The following ULK4 variants were observed in gnomAD, a reference collection of about 807,000 sequenced individuals.
ULK4 encodes inactive serine/threonine-protein kinase ULK4.
In ULK4, 133 loss-of-function variants were observed where a neutral mutation model predicts 160.6. The ratio of observed to expected loss-of-function variants is 0.83; its 90% CI spans 0.72 to 0.96. The LOEUF is 0.96. ULK4 is among the 40% of genes least tolerant of loss of function. The pLI is 0.00. For synonymous variants in ULK4, 534 were observed against 539.8 expected, an observed-to-expected ratio of 0.99 and a Z score of 0.15; for missense variants, 1,580 against 1,499.5, an observed-to-expected ratio of 1.05 and a Z score of -0.89.
intron 32 of ULK4, among the ~76,000 whole-genome samples, chr3:41,534,287 G>C (rs1184463419): frequency 2.6e-5 from 4 of 152,138 alleles, no homozygotes; most frequent in Non-Finnish European, 5.9e-5. Flanking sequence ...CTTTGGCGGT[G>C]CCACAGTTTT....
intron 35 of ULK4, among the ~76,000 whole-genome samples, chr3:41,384,603 G>A (rs916523121): frequency 5.9e-5 from 9 of 151,906 alleles, no homozygotes; most frequent in African/African-American, 9.7e-5. Context: ...ATTTTTTTTC[G>A]AGACAGAGTC....
At chr3:41,319,094 TC>T (rs2080199730) in intron 35 of ULK4, among the ~76,000 whole-genome samples, 2 of 152,178 alleles carry the variant, frequency 1.3e-5, no homozygotes, top group Non-Finnish European at 2.9e-5. Context: ...AGAAATAGGG[TC>T]TTTATTTTAC....
chr3:41,689,636 G>C (rs1415134342), intron 27 of ULK4, among the ~76,000 whole-genome samples: 2 of 152,184 alleles, frequency 1.3e-5, no homozygotes, highest in South Asian at 4.1e-4. Flanking sequence ...CAAAGGACAT[G>C]AATACACACT....
chr3:41,646,400 C>T (rs910905705), intron 30 of ULK4, among the ~76,000 whole-genome samples: 25 of 152,096 alleles, frequency 1.6e-4, no homozygotes, highest in Non-Finnish European at 2.8e-4. Flanking sequence ...GGTGACAAAA[C>T]CTGTCAGCAT....
chr3:41,758,267 T>C (rs539330320), intron 21 of ULK4, among the ~76,000 whole-genome samples: 1 of 152,166 alleles, frequency 6.6e-6, no homozygotes, highest in East Asian at 1.9e-4. Flanking sequence ...CCGTCTAAGG[T>C]ACCTTGTTAT....
intron 30 of ULK4, among the ~76,000 whole-genome samples, chr3:41,640,764 A>C (rs2034151307): frequency 6.6e-6 from 1 of 152,234 alleles, no homozygotes; most frequent in African/African-American, 2.4e-5. Flanking sequence ...GAAATTCAAA[A>C]AGAAAATGGA....
At chr3:41,383,077 A>ATTTTTC (rs1452248017) in intron 35 of ULK4, among the ~76,000 whole-genome samples, 2 of 150,936 alleles carry the variant, frequency 1.3e-5, no homozygotes, top group Non-Finnish European at 3.0e-5. Context: ...ACAAGGAGGT[A>ATTTTTC]TTTTTCTTTT....
chr3:41,428,420 T>TA (rs2082826237), intron 34 of ULK4, among the ~76,000 whole-genome samples: 1 of 151,998 alleles, frequency 6.6e-6, no homozygotes, highest in African/African-American at 2.4e-5. Context: ...AAAACTACTT[T>TA]AAAAAATCAT....
At chr3:41,663,220 CA>C (rs1027169039) in intron 30 of ULK4, among the ~76,000 whole-genome samples, 44 of 133,006 alleles carry the variant, frequency 3.3e-4, no homozygotes, top group South Asian at 4.8e-4. Context: ...GACTCCATCT[CA>C]AAAAAAAAAA....
intron 19 of ULK4, among the ~76,000 whole-genome samples, chr3:41,808,727 A>G (rs1448703273): frequency 6.6e-6 from 1 of 152,236 alleles, no homozygotes; most frequent in Non-Finnish European, 1.5e-5. Flanking sequence ...TTCTGCCAAT[A>G]TAATTTTGGT....
intron 30 of ULK4, among the ~76,000 whole-genome samples, chr3:41,623,127 C>G (rs2033335479): frequency 6.6e-6 from 1 of 152,166 alleles, no homozygotes; most frequent in African/African-American, 2.4e-5. Context: ...TTAAGACAAA[C>G]ATGTTACATA....
At chr3:41,758,129 G>A (rs2038867657) in intron 21 of ULK4, among the ~76,000 whole-genome samples, 1 of 152,072 alleles carries the variant, frequency 6.6e-6, no homozygotes, top group Non-Finnish European at 1.5e-5. Flanking sequence ...CAACATGTAA[G>A]GACACAAAGA....
intron 31 of ULK4, among the ~76,000 whole-genome samples, chr3:41,600,735 A>T (rs1218778487): frequency 6.6e-6 from 1 of 152,210 alleles, no homozygotes; most frequent in African/African-American, 2.4e-5. Context: ...ATCTGCCTCC[A>T]CAGTAAACCG....
chr3:41,906,149 G>A (rs1488578490), intron 12 of ULK4, among the ~76,000 whole-genome samples: 3 of 143,988 alleles, frequency 2.1e-5, no homozygotes, highest in East Asian at 4.4e-4. Context: ...CCCGGGAGGC[G>A]GAGCTTGCAG....
intron 17 of ULK4, among the ~76,000 whole-genome samples, chr3:41,863,354 C>T (rs191231767): frequency 3.3e-5 from 5 of 152,198 alleles, no homozygotes; most frequent in African/African-American, 1.2e-4. Flanking sequence ...GTGGGCTCCC[C>T]CTCTGGCCCA....
At chr3:41,865,919 T>C (rs531016886) in intron 17 of ULK4, among the ~76,000 whole-genome samples, 73 of 150,430 alleles carry the variant, frequency 4.9e-4, no homozygotes, top group African/African-American at 1.6e-3. Flanking sequence ...AAAGAAAAAA[T>C]TGGCAAGTTG....
At chr3:41,748,262 T>A (rs969522821) in intron 22 of ULK4, among the ~76,000 whole-genome samples, 10 of 151,070 alleles carry the variant, frequency 6.6e-5, no homozygotes, top group African/African-American at 2.2e-4. Context: ...AGATCATATA[T>A]ATATACACAC....
Position 41,756,527 on chromosome 3 carries a change from A to G in ULK4, c.2194-2039T>C, listed in dbSNP as rs535801139. ...CCCTCAACACTCACCATGAAGAAGT[A>G]AAAAAAGGAAGATGAGAACATTGAA... On this transcript the variant is annotated intron_variant, in intron 21 of 36. Transcript: ENST00000301831. Among the ~76,000 whole-genome samples, 8 of 152,268 alleles carry G rather than the reference A, an allele frequency of 5.3e-5. No homozygotes were observed. In the South Asian group the frequency reaches 1.7e-3, roughly 32 times the overall value.
At chr3:41,269,001 A>G (rs2079093864) in intron 35 of ULK4, among the ~76,000 whole-genome samples, 2 of 152,016 alleles carry the variant, frequency 1.3e-5, no homozygotes, top group African/African-American at 2.4e-5. Flanking sequence ...CGCTGACCCA[A>G]CCAACCCAGA....
Sources: allele counts gnomAD v4.1 joint callset (sites outside exome capture counted in the v4.1 genomes callset), GRCh38; gene constraint gnomAD v4.1.1; transcripts MANE v1.5; gene names NCBI Gene and HGNC (gene_info 2026-07-23, HGNC 2026-07-21).